The following DOP1A variants were observed in gnomAD, a reference collection of about 807,000 sequenced individuals.
DOP1A encodes the protein protein DOP1A.
In DOP1A, 90 loss-of-function variants were observed where a neutral mutation model predicts 267.6. That is an observed-to-expected ratio of 0.34 (90% CI 0.28 to 0.40). DOP1A has a LOEUF of 0.40. DOP1A is among the 10% of genes least tolerant of loss of function. The pLI, the probability that DOP1A is intolerant of heterozygous loss-of-function variation, is 1.00. For synonymous variants in DOP1A, 932 were observed against 999.1 expected, an observed-to-expected ratio of 0.93 and a Z score of 1.27; for missense variants, 2,437 against 2,900.4, an observed-to-expected ratio of 0.84 and a Z score of 3.67.
At chr6:83,155,298 CA>C (rs1197027815) in intron 33 of DOP1A, among the ~76,000 whole-genome samples, 1,962 of 57,742 alleles carry the variant, frequency 0.034, 43 homozygotes, top group African/African-American at 0.1. Flanking sequence ...CCCAGCTCTA[CA>C]AAAAAAAAAA....
intron 18 of DOP1A, among the ~76,000 whole-genome samples, chr6:83,132,946 T>C (rs1778308681): frequency 6.6e-6 from 1 of 152,154 alleles, no homozygotes; most frequent in Non-Finnish European, 1.5e-5. Context: ...CTCTGTAATA[T>C]AAATTGAAGA....
chr6:83,166,737 A>G, intron 38 of DOP1A: 1 of 1,147,916 alleles, frequency 8.7e-7, no homozygotes. Flanking sequence ...GCTTGAGAGC[A>G]CATAGAAGAA....
intron 1 of DOP1A, among the ~76,000 whole-genome samples, chr6:83,071,156 C>G (rs984039535): frequency 6.6e-6 from 1 of 152,030 alleles, no homozygotes; most frequent in Non-Finnish European, 1.5e-5. Flanking sequence ...ATCTTGGCAC[C>G]AAACTGAGAC....
chr6:83,159,923 C>T lies in DOP1A; in HGVS notation c.6925C>T (p.Leu2309Phe). ...TGCTTGCAAATTTTTGGATTTGGCT[C>T]TCGCATTGCCCTCTGAAAACCTTCC... is the stretch of plus-strand genomic sequence containing the variant. ...LSACKFLDLA[L>F]ALPSENLPQF... The change falls in exon 37 of 39, where the codon CTC becomes TTC. Residue 2309 changes from leucine to phenylalanine, a missense_variant. Physicochemically the swap from Leu to Phe is conservative, Grantham distance 22. Coordinates refer to ENST00000349129, the MANE Select transcript of DOP1A (RefSeq NM_015018.4). The T allele has an allele frequency of 1.9e-6, 3 of 1,614,094 alleles. No individual in the cohort carries two copies. The highest frequency in any genetic ancestry group is 1.7e-6 in the Non-Finnish European group (2 of 1,180,016).
chr6:83,168,565 C>T, downstream of DOP1A: 1 of 998,268 alleles, frequency 1.0e-6, no homozygotes, highest in Non-Finnish European at 1.2e-6. Context: ...TGTTCCTTCT[C>T]CATCAGAGGC....
rs764952238 is a variant in DOP1A at position 83,162,887 on chromosome 6, C to T, written c.7060C>T (p.Arg2354Ter). ...ACGAGAATTTAAACCTTACGTGGTA[C>T]GACTAGCAAAACTTCTTCGGAAAAG... Reference protein sequence around the residue: ...HQREFKPYVVRLAKLLRKRAK... With the variant: ...HQREFKPYVV Residue 2354 changes from arginine (R) to a stop codon, truncating the protein, a stop_gained, in exon 38 of 39, where the codon CGA becomes TGA. Coordinates refer to ENST00000349129, the MANE Select transcript of DOP1A (RefSeq NM_015018.4). LOFTEE classifies it high-confidence loss of function. 6 of 1,612,680 alleles carry T rather than the reference C, an allele frequency of 3.7e-6. No individual in the cohort carries two copies. The highest frequency in any genetic ancestry group is 5.1e-6 in the Non-Finnish European group (6 of 1,179,176).
chr6:83,124,637 G>A lies in DOP1A; in HGVS notation c.1341-68G>A, dbSNP rs1017266106. On this transcript the variant is annotated intron_variant, in intron 12 of 38. Transcript: ENST00000349129. ...TTGACTTGGACTTCATTAGAAGGAT[G>A]ATGATGCTGTCACAGGTATTCACAT... 15 of 1,107,840 alleles carry A rather than the reference G, an allele frequency of 1.4e-5. No homozygotes were observed. In the Admixed American group the frequency reaches 2.5e-4, roughly 18 times the overall value. The allele number at this position is 1,107,840 out of a possible 1,614,324, so 68.6% of individuals were successfully genotyped here. A position where few individuals can be genotyped will look rare whatever the true frequency, so the allele number is the denominator to read the frequency against.
intron 1 of DOP1A, among the ~76,000 whole-genome samples, chr6:83,081,512 A>AC (rs1768068351): frequency 6.6e-6 from 1 of 152,166 alleles, no homozygotes; most frequent in African/African-American, 2.4e-5. Flanking sequence ...GCAGAACAAA[A>AC]TTAGACCCTT....
At chr6:83,095,625 C>G (rs887700030) in intron 1 of DOP1A, among the ~76,000 whole-genome samples, 3 of 152,086 alleles carry the variant, frequency 2.0e-5, no homozygotes, top group African/African-American at 7.2e-5. Flanking sequence ...TTCCTATTAC[C>G]CTAGATTACG....
chr6:83,157,237 G>A lies in DOP1A; in HGVS notation c.6660G>A (p.Val2220=). 4.3e-6 allele frequency: 7 copies of A among 1,613,998 alleles called. No homozygotes were observed. In the South Asian group the frequency reaches 6.6e-5, roughly 15 times the overall value. The change falls in exon 35 of 39, where the codon GTG becomes GTA. Residue 2220 remains valine (V), a synonymous_variant. Coordinates refer to ENST00000349129, the MANE Select transcript of DOP1A (RefSeq NM_015018.4). ...LPQVPTLHSQ[V]FLFFRVLLLR... is the part of the protein sequence containing the mutation. Reference sequence around the variant, plus strand: ...AGGTGCCAACTCTCCATTCTCAAGTGTTCCTGTTTTTCAGAGTGTTACTTT... The same window carrying A: ...AGGTGCCAACTCTCCATTCTCAAGTATTCCTGTTTTTCAGAGTGTTACTTT...
chr6:83,110,611 A>G lies in DOP1A; in HGVS notation c.681+297A>G, dbSNP rs114329212. ...TGTGAGAAGATGTACTAAAACAGAT[A>G]GTGAAAGATAATAGGAAGAAAAATC... is the stretch of plus-strand genomic sequence containing the variant. On this transcript the variant is annotated intron_variant, in intron 6 of 38. Coordinates refer to ENST00000349129, the MANE Select transcript of DOP1A (RefSeq NM_015018.4). 3.8e-3 allele frequency among the ~76,000 whole-genome samples: 580 copies of G among 152,336 alleles called. 3 individuals carry two copies. The highest frequency in any genetic ancestry group is 0.013 in the African/African-American group (560 of 41,576).
intron 1 of DOP1A, among the ~76,000 whole-genome samples, chr6:83,096,057 TG>T (rs1562289309): frequency 6.6e-6 from 1 of 152,308 alleles, no homozygotes; most frequent in South Asian, 2.1e-4. Flanking sequence ...CCTAAGGTGC[TG>T]GGGGATTGGG....
At chr6:83,166,169 G>A (rs1262461467) in intron 38 of DOP1A, 3 of 507,418 alleles carry the variant, frequency 5.9e-6, no homozygotes, top group East Asian at 3.0e-5. Context: ...CTCAGCTCAT[G>A]AGGCACCCAT....
intron 30 of DOP1A, 75 bp downstream of exon 30, chr6:83,152,442 A>T (rs1385785932): frequency 1.6e-6 from 1 of 610,218 alleles, no homozygotes; most frequent in East Asian, 3.4e-5. Context: ...TAATTTTTAT[A>T]GAGGAATTTC....
At chr6:83,148,955 G>A (rs1233141468) in intron 27 of DOP1A, 92 bp downstream of exon 27, 15 of 706,586 alleles carry the variant, frequency 2.1e-5, no homozygotes, top group East Asian at 3.4e-5. Context: ...TTAGGTGACA[G>A]TGATCTCTCT....
chr6:83,140,325 G>A lies in DOP1A; in HGVS notation c.5337G>A (p.Leu1779=). The A allele has an allele frequency of 6.2e-7, 1 of 1,613,370 alleles. No homozygotes were observed. Among genetic ancestry groups the A allele is most frequent in the Non-Finnish European group, 8.5e-7 (1 of 1,179,852 alleles). Residue 1779 remains leucine, a synonymous_variant, in exon 23 of 39, where the codon CTG becomes CTA. Transcript: ENST00000349129. ...CTGTGACACTGCTTTGGAGCATACT[G>A]CATCAAGCTGATTCTTCAGAAAAGA... The part of the protein sequence containing the change: ...MSSVTLLWSI[L]HQADSSEKMT...
At chr6:83,167,462 A>G in intron 38 of DOP1A, 1 of 989,218 alleles carries the variant, frequency 1.0e-6, no homozygotes. Flanking sequence ...AAATGTATAA[A>G]GCACTTTGTT....
downstream of DOP1A, chr6:83,170,747 C>G (rs888892317): frequency 3.2e-5 from 9 of 285,478 alleles, no homozygotes; most frequent in Non-Finnish European, 5.9e-5. Context: ...ATGACTAAGT[C>G]CCATATCACA....
chr6:83,145,407 A>G, intron 24 of DOP1A, 117 bp from the exon 25 acceptor site: 268 of 731,440 alleles, frequency 3.7e-4, no homozygotes, highest in Non-Finnish European at 5.1e-4. Flanking sequence ...AAATAGCAAG[A>G]CCTCATCTCC....
Sources: gnomAD v4.1 joint callset for allele counts (sites outside exome capture counted in the v4.1 genomes callset) on GRCh38, gnomAD v4.1.1 for gene constraint, MANE v1.5 for transcripts, NCBI Gene and HGNC (gene_info 2026-07-23, HGNC 2026-07-21) for gene names.